CSMD3: variants seen among roughly 807,000 people sequenced by gnomAD.
CSMD3 encodes CUB and sushi domain-containing protein 3.
In CSMD3, 177 loss-of-function variants were observed where a neutral mutation model predicts 435.2. The observed-to-expected ratio is 0.41, with a 90% CI of 0.36 to 0.46. The LOEUF is 0.46. CSMD3 is among the 20% of genes least tolerant of loss of function. The probability of loss-of-function intolerance (pLI) is 0.34; values close to 1 mark genes in which losing one functional copy is unlikely to be tolerated. For synonymous variants in CSMD3, 1,656 were observed against 1,520.5 expected, an observed-to-expected ratio of 1.09 and a Z score of -2.07; for missense variants, 4,265 against 4,504.6, an observed-to-expected ratio of 0.95 and a Z score of 1.52.
rs1420930852 is a variant in CSMD3, at chr8:112,359,733, T to G, written c.6137-7199A>C. Among the ~76,000 whole-genome samples, 8 of 152,054 alleles carry G rather than the reference T, an allele frequency of 5.3e-5. No homozygotes were observed. In the South Asian group the frequency reaches 1.7e-3, roughly 32 times the overall value. Reference sequence around the variant, plus strand: ...GTAAAGTGGTCATTTGGGAATACATTTGAGGCAGTCTTGAATTAGATAAGG... The same window carrying G: ...GTAAAGTGGTCATTTGGGAATACATGTGAGGCAGTCTTGAATTAGATAAGG... On this transcript the variant is annotated intron_variant, in intron 38 of 70. Coordinates refer to ENST00000297405, the MANE Select transcript of CSMD3 (RefSeq NM_198123.2).
chr8:113,370,199 A>C (rs1302036541), intron 1 of CSMD3, among the ~76,000 whole-genome samples: 1 of 151,222 alleles, frequency 6.6e-6, no homozygotes, highest in Admixed American at 6.6e-5. Context: ...AATTAAAATA[A>C]ATATTTAAAT....
In CSMD3 at chr8:112,969,391, T is replaced by G. The variant is rs552413892; in HGVS notation, c.1342+6446A>C. On this transcript the variant is annotated intron_variant, in intron 7 of 70. Coordinates refer to ENST00000297405, the MANE Select transcript of CSMD3 (RefSeq NM_198123.2). ...ATAAATAATGTACTTATTTAAAAAC[T>G]GTTAAACTAGAGTTTCTTTTAAGCT... is the stretch of plus-strand genomic sequence containing the variant. Among the ~76,000 whole-genome samples the G allele has an allele frequency of 3.9e-5, 6 of 152,084 alleles. No homozygotes were observed. In the South Asian group the frequency reaches 1.2e-3, roughly 32 times the overall value.
At chr8:113,026,182 G>A (rs955523010) in intron 5 of CSMD3, among the ~76,000 whole-genome samples, 5 of 152,198 alleles carry the variant, frequency 3.3e-5, no homozygotes, top group Middle Eastern at 3.4e-3. Flanking sequence ...TGTGTATGTC[G>A]GGAACGGGGA....
At chr8:112,750,718 C>T (rs950344877) in intron 13 of CSMD3, among the ~76,000 whole-genome samples, 1 of 151,966 alleles carries the variant, frequency 6.6e-6, no homozygotes, top group Non-Finnish European at 1.5e-5. Context: ...AGAAAGATGA[C>T]AGAGTTCAGA....
chr8:113,377,096 C>G (rs1042095165), intron 1 of CSMD3: 2 of 1,282,872 alleles, frequency 1.6e-6, no homozygotes, highest in South Asian at 2.9e-5. Context: ...GCGCTGGACT[C>G]CCCCAAGGGC....
chr8:113,232,732 T>C (rs1201107319), intron 3 of CSMD3, among the ~76,000 whole-genome samples: 1 of 151,766 alleles, frequency 6.6e-6, no homozygotes. Context: ...CACTATAGCA[T>C]TTGATTACCC....
intron 40 of CSMD3, among the ~76,000 whole-genome samples, chr8:112,348,576 TA>T (rs1825872365): frequency 6.6e-6 from 1 of 151,706 alleles, no homozygotes; most frequent in East Asian, 1.9e-4. Context: ...TCAAAATTTA[TA>T]AAATACAAAA....
intron 31 of CSMD3, among the ~76,000 whole-genome samples, chr8:112,484,982 T>G (rs997622616): frequency 3.3e-5 from 5 of 152,158 alleles, no homozygotes; most frequent in African/African-American, 1.2e-4. Flanking sequence ...TGCAAATTAC[T>G]TCTTACATTG....
intron 17 of CSMD3, among the ~76,000 whole-genome samples, chr8:112,664,377 A>C (rs2075465252): frequency 2.0e-5 from 3 of 152,150 alleles, no homozygotes; most frequent in Admixed American, 1.3e-4. Flanking sequence ...ATTTTAGTTC[A>C]ACATTCATGG....
intron 32 of CSMD3, among the ~76,000 whole-genome samples, chr8:112,416,471 C>T (rs1367939762): frequency 6.6e-6 from 1 of 152,186 alleles, no homozygotes; most frequent in African/African-American, 2.4e-5. Flanking sequence ...TGGACCAATA[C>T]ACTATTCTTC....
At chr8:112,572,436 C>T (rs1004915707) in intron 24 of CSMD3, among the ~76,000 whole-genome samples, 1 of 151,942 alleles carries the variant, frequency 6.6e-6, no homozygotes, top group Non-Finnish European at 1.5e-5. Context: ...ATTCTCTTGT[C>T]TACTATTTCT....
chr8:113,385,847 A>G (rs2094436954), intron 1 of CSMD3, among the ~76,000 whole-genome samples: 1 of 152,128 alleles, frequency 6.6e-6, no homozygotes, highest in South Asian at 2.1e-4. Context: ...AAAAGATGCT[A>G]TCACATTGTG....
At chr8:112,971,359 T>C (rs2084650032) in intron 7 of CSMD3, among the ~76,000 whole-genome samples, 1 of 152,146 alleles carries the variant, frequency 6.6e-6, no homozygotes, top group Non-Finnish European at 1.5e-5. Flanking sequence ...GGAATTGAAC[T>C]TATTGCTCAA....
Position 112,717,461 on chromosome 8 carries a change from T to C in CSMD3, c.1973-27411A>G, listed in dbSNP as rs917948956. Among the ~76,000 whole-genome samples the C allele has an allele frequency of 8.5e-5, 13 of 152,132 alleles. 1 individual carries two copies. The highest frequency in any genetic ancestry group is 2.9e-4 in the African/African-American group (12 of 41,420). ...AAATAGGAATGCTTTTACACTGTTG[T>C]TGGGAATGTAAATTAATTCAATCAT... On this transcript the variant is annotated intron_variant, in intron 13 of 70. Coordinates refer to ENST00000297405, the MANE Select transcript of CSMD3 (RefSeq NM_198123.2).
At chr8:112,982,072 C>T (rs2085072610) in intron 6 of CSMD3, among the ~76,000 whole-genome samples, 1 of 151,770 alleles carries the variant, frequency 6.6e-6, no homozygotes, top group Admixed American at 6.6e-5. Flanking sequence ...TCGTTTCTTG[C>T]TTCACCCAGT....
chr8:113,420,792 T>TA (rs1365746705), intron 1 of CSMD3, among the ~76,000 whole-genome samples: 6 of 151,544 alleles, frequency 4.0e-5, no homozygotes, highest in East Asian at 1.9e-4. Context: ...TACTAAAAAA[T>TA]AAAAAAATTA....
At chr8:112,673,378 T>C (rs1190435701) in intron 16 of CSMD3, among the ~76,000 whole-genome samples, 1 of 152,072 alleles carries the variant, frequency 6.6e-6, no homozygotes, top group East Asian at 1.9e-4. Context: ...TATCCCTCCC[T>C]GTACCCAGCT....
intron 19 of CSMD3, among the ~76,000 whole-genome samples, chr8:112,646,067 C>T (rs190457412): frequency 6.6e-6 from 1 of 152,024 alleles, no homozygotes; most frequent in Non-Finnish European, 1.5e-5. Context: ...TGATCCTTGC[C>T]CACTTTCTTA....
chr8:113,261,141 A>T (rs1766248030), intron 3 of CSMD3, among the ~76,000 whole-genome samples: 1 of 152,116 alleles, frequency 6.6e-6, no homozygotes, highest in African/African-American at 2.4e-5. Flanking sequence ...AAAAGTATGA[A>T]GTATATACAG....
Sources: gnomAD v4.1 joint callset for allele counts (sites outside exome capture counted in the v4.1 genomes callset) on GRCh38, gnomAD v4.1.1 for gene constraint, MANE v1.5 for transcripts, NCBI Gene and HGNC (gene_info 2026-07-23, HGNC 2026-07-21) for gene names.